The following TASL variants were observed in gnomAD, a reference collection of about 807,000 sequenced individuals.
TASL encodes TLR adaptor interacting with endolysosomal SLC15A4, also known as TLR adapter interacting with SLC15A4 on the lysosome.
In TASL, 6 loss-of-function variants were observed where a neutral mutation model predicts 12.9. The observed-to-expected ratio is 0.46, with a 90% CI of 0.25 to 0.92. TASL has a LOEUF of 0.92. TASL is among the 40% of genes least tolerant of loss of function. TASL has a pLI of 0.17. For synonymous variants in TASL, 85 were observed against 79.3 expected (o/e 1.07, Z -0.38); for missense variants, 165 against 212.8 (o/e 0.78, Z 1.40).
chrX:30,571,544 G>T (rs1930625484), intron 2 of TASL, among the ~76,000 whole-genome samples: 1 of 108,802 alleles, frequency 9.2e-6, no homozygotes, highest in Non-Finnish European at 1.9e-5. Context: ...CGCTTGAATG[G>T]GGTGGGGTCA....
chrX:30,561,854 A>C (rs900752266), intron 2 of TASL, among the ~76,000 whole-genome samples: 7 of 58,130 alleles, frequency 1.2e-4, no homozygotes, highest in Non-Finnish European at 1.8e-4. Flanking sequence ...ACACACTTAT[A>C]AGGATTAAAA....
intron 2 of TASL, among the ~76,000 whole-genome samples, chrX:30,565,283 G>T (rs1036608605): frequency 8.9e-6 from 1 of 111,768 alleles, no homozygotes; most frequent in Non-Finnish European, 1.9e-5. Flanking sequence ...TTGTGAAGAG[G>T]AGACCTACCC....
chrX:30,565,027 G>C (rs1930479319), intron 2 of TASL, among the ~76,000 whole-genome samples: 2 of 111,977 alleles, frequency 1.8e-5, no homozygotes, highest in South Asian at 3.7e-4. Flanking sequence ...TCCCTGCTCA[G>C]ATGGCAGACC....
intron 2 of TASL, among the ~76,000 whole-genome samples, chrX:30,567,372 C>T (rs1268932641): frequency 2.7e-5 from 3 of 111,115 alleles, no homozygotes; most frequent in Non-Finnish European, 3.8e-5. Flanking sequence ...TTATAAATAG[C>T]TTTTATATAG....
chrX:30,566,484 A>G (rs902894327), intron 2 of TASL, among the ~76,000 whole-genome samples: 3 of 111,392 alleles, frequency 2.7e-5, no homozygotes, highest in African/African-American at 9.8e-5. Context: ...TCCAGCCTGG[A>G]TGGCAGAGTG....
chrX:30,568,501 A>G (rs956234152), intron 2 of TASL, among the ~76,000 whole-genome samples: 2 of 111,167 alleles, frequency 1.8e-5, no homozygotes, highest in Non-Finnish European at 3.8e-5. Flanking sequence ...GGTCAGTAAC[A>G]GACACCAATG....
intron 2 of TASL, among the ~76,000 whole-genome samples, chrX:30,571,309 A>G (rs758041634): frequency 8.5e-5 from 9 of 106,040 alleles, no homozygotes; most frequent in African/African-American, 3.1e-4. Flanking sequence ...AAAGAAAGAA[A>G]GAAAGAAAGA....
intron 2 of TASL, among the ~76,000 whole-genome samples, chrX:30,560,854 G>C (rs768409820): frequency 9.9e-5 from 11 of 110,612 alleles, no homozygotes; most frequent in South Asian, 3.9e-4. Flanking sequence ...GAAGGAATTG[G>C]GAAAATAGGC....
intron 2 of TASL, among the ~76,000 whole-genome samples, chrX:30,576,383 T>C (rs1480692870): frequency 9.0e-6 from 1 of 111,099 alleles, no homozygotes; most frequent in Non-Finnish European, 1.9e-5. Context: ...TGTGAATATA[T>C]ATATACACAT....
chrX:30,575,320 G>GT (rs1930690460), intron 2 of TASL, among the ~76,000 whole-genome samples: 1 of 110,423 alleles, frequency 9.1e-6, no homozygotes, highest in Admixed American at 9.7e-5. Flanking sequence ...ACATGTTCCA[G>GT]TTTTTTTTCA....
chrX:30,575,506 T>G (rs920526283), intron 2 of TASL, among the ~76,000 whole-genome samples: 1 of 111,849 alleles, frequency 8.9e-6, no homozygotes, highest in Non-Finnish European at 1.9e-5. Context: ...CAGCTTGTAT[T>G]GAATTTATTG....
chrX:30,575,994 A>G (rs1930698549), intron 2 of TASL, among the ~76,000 whole-genome samples: 1 of 111,935 alleles, frequency 8.9e-6, no homozygotes, highest in African/African-American at 3.2e-5. Flanking sequence ...ATAGTATTGT[A>G]CTGATATAAA....
In TASL at chrX:30,559,451, T is replaced by C. The variant is rs780809127; in HGVS notation, c.905A>G (p.Ter302TrpextTer12). The C allele has an allele frequency of 8.7e-7, 1 of 1,155,079 alleles. No individual in the cohort carries two copies. The highest frequency in any genetic ancestry group is 1.2e-6 in the Non-Finnish European group (1 of 862,258). Residue 302 changes from the stop codon to tryptophan, a stop_lost, in exon 3 of 3, where the codon TAG becomes TGG. Coordinates refer to ENST00000378962, the MANE Select transcript of TASL (RefSeq NM_025159.3). ...HISQYSNVNP[*>W] ...GAGACAGTAATGGAAGCATCCTCTC[T>C]ATGGATTTACATTGCTATACTGAGA...
intron 2 of TASL, among the ~76,000 whole-genome samples, chrX:30,576,109 G>T (rs933712641): frequency 2.2e-4 from 25 of 111,924 alleles, no homozygotes; most frequent in Non-Finnish European, 4.5e-4. Context: ...TGCAATGCAA[G>T]ATTCTTGATT....
intron 2 of TASL, among the ~76,000 whole-genome samples, chrX:30,571,256 G>GAAAGAGAAAGAAAGAAAGAA (rs1179232270): frequency 3.3e-4 from 12 of 36,791 alleles, no homozygotes; most frequent in East Asian, 2.2e-3. Context: ...GAGAAAGAAA[G>GAAAGAGAAAGAAAGAAAGAA]AGAAAGAAAG....
intron 2 of TASL, among the ~76,000 whole-genome samples, chrX:30,573,585 G>A (rs1337130819): frequency 2.7e-5 from 3 of 111,527 alleles, no homozygotes; most frequent in African/African-American, 6.5e-5. Context: ...GCCTGGCATC[G>A]CCTCATCTTT....
At chrX:30,562,416 G>A (rs1454228674) in intron 2 of TASL, among the ~76,000 whole-genome samples, 3 of 111,287 alleles carry the variant, frequency 2.7e-5, no homozygotes, top group Non-Finnish European at 5.7e-5. Context: ...TCACCTGGGC[G>A]GGCCAGCATG....
intron 2 of TASL, among the ~76,000 whole-genome samples, chrX:30,568,514 G>A (rs1309670022): frequency 9.0e-6 from 1 of 111,034 alleles, no homozygotes; most frequent in African/African-American, 3.3e-5. Flanking sequence ...CACCAATGTA[G>A]GTGGGGCGCA....
Position 30,559,866 on chromosome X carries a change from G to T in TASL, c.490C>A (p.Pro164Thr), listed in dbSNP as rs140211928. The change falls in exon 3 of 3, where the codon CCC becomes ACC. Residue 164 changes from proline to threonine, a missense_variant. Physicochemically the swap from Pro to Thr is conservative, Grantham distance 38. Coordinates refer to ENST00000378962, the MANE Select transcript of TASL (RefSeq NM_025159.3). ...PLLKSSEIPLPMEDSISTQPS... is the reference protein window; with the variant it reads ...PLLKSSEIPLTMEDSISTQPS... ...TGAGTAGAAATGGAATCCTCCATGG[G>T]TAAAGGAATCTCAGATGACTTCAGC... is the stretch of plus-strand genomic sequence containing the variant. The T allele has an allele frequency of 2.8e-4, 336 of 1,209,811 alleles. No homozygotes were observed. Among genetic ancestry groups the T allele is most frequent in the Non-Finnish European group, 3.6e-4 (320 of 895,153 alleles).
Sources: allele counts gnomAD v4.1 joint callset (sites outside exome capture counted in the v4.1 genomes callset), GRCh38; gene constraint gnomAD v4.1.1; transcripts MANE v1.5; gene names NCBI Gene and HGNC (gene_info 2026-07-23, HGNC 2026-07-21).